PPP1R9A: variants seen among roughly 807,000 people sequenced by gnomAD.
PPP1R9A encodes neurabin-1.
A neutral mutation model predicts 141.9 loss-of-function variants in PPP1R9A; 59 were observed. The ratio of observed to expected loss-of-function variants is 0.42; its 90% CI spans 0.34 to 0.52. The LOEUF is 0.52. Ranked by LOEUF, PPP1R9A falls within the 20% of genes least tolerant of loss-of-function variation. PPP1R9A has a pLI of 0.10. For synonymous variants in PPP1R9A, 500 were observed against 569.7 expected (o/e 0.88, Z 1.74); for missense variants, 1,444 against 1,611.9 (o/e 0.90, Z 1.78).
Position 94,927,870 on chromosome 7 carries a change from C to T in PPP1R9A, c.1395+16362C>T, listed in dbSNP as rs1049575699. Among the ~76,000 whole-genome samples the T allele has an allele frequency of 2.0e-4, 31 of 152,092 alleles. 1 individual carries two copies. The highest frequency in any genetic ancestry group is 1.0e-4 in the Non-Finnish European group (7 of 68,018). ...TAAGGGCACAGACCATTGTTTAGTC[C>T]TCTTTGGATCATGCAATGTCTAGGG... On this transcript the variant is annotated intron_variant, in intron 2 of 19. Coordinates refer to ENST00000433360, the MANE Select transcript of PPP1R9A (RefSeq NM_001166160.2).
At chr7:95,280,717 A>G (rs1804049806) in intron 16 of PPP1R9A, among the ~76,000 whole-genome samples, 2 of 152,178 alleles carry the variant, frequency 1.3e-5, no homozygotes, top group East Asian at 1.9e-4. Context: ...CTATCTACCT[A>G]TTTTGATCCA....
At position 95,284,122 on chromosome 7, in the gene PPP1R9A, G is replaced by C. The variant is rs369154207; in HGVS notation, c.3401G>C (p.Arg1134Pro). 4.4e-6 allele frequency: 7 copies of C among 1,590,398 alleles called. No homozygotes were observed. The highest frequency in any genetic ancestry group is 6.0e-6 in the Non-Finnish European group (7 of 1,171,578). ...CMPFSWFNDS[R>P]KGSYSFRNLP... ...CCTTTCTCATGGTTTAATGACAGCC[G>C]GAAAGGATCCTATTCCTTCAGGAAC... The change falls in exon 17 of 20, where the codon CGG becomes CCG. Residue 1134 changes from arginine to proline, a missense_variant. By Grantham distance (103) the Arg-to-Pro change is moderately radical. Coordinates refer to ENST00000433360, the MANE Select transcript of PPP1R9A (RefSeq NM_001166160.2).
At chr7:95,279,696 A>G (rs1462482083) in intron 16 of PPP1R9A, among the ~76,000 whole-genome samples, 1 of 152,204 alleles carries the variant, frequency 6.6e-6, no homozygotes, top group Non-Finnish European at 1.5e-5. Flanking sequence ...AAAGTGCTTA[A>G]TATATTGTGT....
At chr7:95,219,454 T>A (rs1486001314) in intron 7 of PPP1R9A, among the ~76,000 whole-genome samples, 1 of 152,164 alleles carries the variant, frequency 6.6e-6, no homozygotes, top group African/African-American at 2.4e-5. Flanking sequence ...GTCTTGGAGT[T>A]GCTCTTCTCA....
chr7:95,013,230 C>T (rs966990177), intron 2 of PPP1R9A, among the ~76,000 whole-genome samples: 2 of 151,922 alleles, frequency 1.3e-5, no homozygotes, highest in Non-Finnish European at 2.9e-5. Context: ...AGGGGTTTAC[C>T]GATGGGGCAG....
intron 2 of PPP1R9A, among the ~76,000 whole-genome samples, chr7:94,985,349 CAGAGCTGAGTTCA>C (rs1175253984): frequency 3.9e-5 from 6 of 152,114 alleles, no homozygotes; most frequent in Non-Finnish European, 7.4e-5. Context: ...CTGCTTGGTG[CAGAGCTGAGTTCA>C]AGTCCTGGAT....
chr7:95,079,555 T>C (rs1161650716), intron 2 of PPP1R9A, among the ~76,000 whole-genome samples: 3 of 151,622 alleles, frequency 2.0e-5, no homozygotes, highest in African/African-American at 4.8e-5. Context: ...TTCCAATCAA[T>C]AGAAAAAGAG....
chr7:95,157,223 C>T (rs544299612), intron 4 of PPP1R9A, among the ~76,000 whole-genome samples: 2 of 151,688 alleles, frequency 1.3e-5, no homozygotes, highest in South Asian at 2.1e-4. Flanking sequence ...ACTTCTGAGC[C>T]TGCAGGGGCA....
intron 5 of PPP1R9A, among the ~76,000 whole-genome samples, chr7:95,189,261 G>T (rs1835107513): frequency 6.6e-6 from 1 of 151,864 alleles, no homozygotes; most frequent in Admixed American, 6.6e-5. Context: ...TAACCTGATG[G>T]CTACGTGCCT....
intron 2 of PPP1R9A, among the ~76,000 whole-genome samples, chr7:94,925,062 A>G (rs1265842510): frequency 6.6e-6 from 1 of 152,232 alleles, no homozygotes; most frequent in Non-Finnish European, 1.5e-5. Context: ...GGATGTGTAT[A>G]TATACAGAGA....
intron 2 of PPP1R9A, chr7:95,098,428 G>A (rs1353323139): frequency 6.6e-6 from 1 of 151,220 alleles, no homozygotes; most frequent in Non-Finnish European, 1.5e-5. Context: ...TCATAGTACT[G>A]TGAAGAGCCT....
At chr7:95,108,426 T>G (rs1397798509) in intron 2 of PPP1R9A, among the ~76,000 whole-genome samples, 2 of 148,928 alleles carry the variant, frequency 1.3e-5, no homozygotes, top group Non-Finnish European at 3.0e-5. Flanking sequence ...TTCTCCTGCT[T>G]CAGCCTCCCT....
In PPP1R9A at chr7:94,935,439, C is replaced by A. The variant is rs1311769639; in HGVS notation, c.1395+23931C>A. On this transcript the variant is annotated intron_variant, in intron 2 of 19. Transcript: ENST00000433360. ...TTGAATATGTTTGGGAAACTTCATA[C>A]CATGCCCCCTTCTTAGAAAATCATA... Among the ~76,000 whole-genome samples, 4 of 152,160 alleles carry A rather than the reference C, an allele frequency of 2.6e-5. No individual in the cohort carries two copies. In the East Asian group the frequency reaches 7.7e-4, roughly 29 times the overall value.
At chr7:95,108,276 TTTTTC>T (rs949745847) in intron 2 of PPP1R9A, among the ~76,000 whole-genome samples, 1 of 128,222 alleles carries the variant, frequency 7.8e-6, no homozygotes, top group South Asian at 2.3e-4. Flanking sequence ...TTTCTTTTTC[TTTTTC>T]TTTTCTTTTC....
intron 16 of PPP1R9A, among the ~76,000 whole-genome samples, chr7:95,279,389 C>G (rs1803748287): frequency 6.6e-6 from 1 of 152,104 alleles, no homozygotes; most frequent in African/African-American, 2.4e-5. Context: ...AGAAAAACAC[C>G]CCATCTCTGC....
At chr7:95,104,961 C>G (rs1309016010) in intron 2 of PPP1R9A, among the ~76,000 whole-genome samples, 1 of 126,618 alleles carries the variant, frequency 7.9e-6, no homozygotes, top group Non-Finnish European at 1.7e-5. Context: ...TTTGGCTTAT[C>G]TCCAGGAGCA....
intron 2 of PPP1R9A, among the ~76,000 whole-genome samples, chr7:94,980,971 C>T (rs545369932): frequency 1.3e-5 from 2 of 152,170 alleles, no homozygotes; most frequent in East Asian, 1.9e-4. Flanking sequence ...ACAAACAGGC[C>T]GTCCTTATCT....
chr7:95,114,207 T>C (rs1394978386), intron 3 of PPP1R9A, among the ~76,000 whole-genome samples: 1 of 152,166 alleles, frequency 6.6e-6, no homozygotes, highest in Admixed American at 6.5e-5. Flanking sequence ...CCACACTTCA[T>C]GCAGCAGTAT....
chr7:95,204,347 G>T (rs1402073616), intron 7 of PPP1R9A, among the ~76,000 whole-genome samples: 1 of 152,066 alleles, frequency 6.6e-6, no homozygotes, highest in African/African-American at 2.4e-5. Context: ...GTAAAAGGCA[G>T]GCTGATTTAT....
Sources: allele counts gnomAD v4.1 joint callset (sites outside exome capture counted in the v4.1 genomes callset), GRCh38; gene constraint gnomAD v4.1.1; transcripts MANE v1.5; gene names NCBI Gene and HGNC (gene_info 2026-07-23, HGNC 2026-07-21).